Variants in LIG1 observed in about 807,000 individuals in gnomAD.
The protein encoded by LIG1 is ligase I, DNA, ATP-dependent.
LIG1 carries 70 observed loss-of-function variants against 115.7 expected under a neutral mutation model. The ratio of observed to expected loss-of-function variants is 0.60; its 90% CI spans 0.50 to 0.74. The LOEUF (loss-of-function observed/expected upper bound fraction) is 0.74. Among genes scored for constraint, LIG1 ranks in the 30% least tolerant of loss-of-function variants. LIG1 has a pLI of 0.00. For synonymous variants in LIG1, 487 were observed against 495.3 expected (o/e 0.98, Z 0.22); for missense variants, 1,115 against 1,225.6 (o/e 0.91, Z 1.35).
chr19:48,142,655 T>G (rs2034848013), intron 11 of LIG1, among the ~76,000 whole-genome samples: 1 of 151,978 alleles, frequency 6.6e-6, no homozygotes, highest in South Asian at 2.1e-4. Context: ...TTTGTTTGTT[T>G]GTTTTTGAGA....
intron 5 of LIG1, chr19:48,154,188 C>T (rs1315636290): frequency 1.8e-6 from 1 of 565,452 alleles, no homozygotes; most frequent in Non-Finnish European, 3.2e-6. Context: ...GTGCTTTGCT[C>T]TCTCACGACT....
chr19:48,133,953 G>A, intron 17 of LIG1, 28 bp downstream of exon 17: 2 of 1,540,490 alleles, frequency 1.3e-6, no homozygotes, highest in African/African-American at 2.7e-5. Context: ...GCTGCTGCCA[G>A]GCTGGTGAGC....
rs374815637 is a variant in LIG1, at chr19:48,154,747, C to T, written c.371-780G>A. ...CATGTTGGCCATTGCGCCACCTGGT[C>T]CCCGGTCTCCCGGCCCCCAGTGGCT... On this transcript the variant is annotated intron_variant, in intron 5 of 27. Coordinates refer to ENST00000263274, the MANE Select transcript of LIG1 (RefSeq NM_000234.3). Among the ~76,000 whole-genome samples, 25 of 152,334 alleles carry T rather than the reference C, an allele frequency of 1.6e-4. No individual in the cohort carries two copies. The East Asian group carries it at 3.7e-3, about 22-fold the overall frequency.
At chr19:48,138,205 G>C (rs3730961) in intron 12 of LIG1, among the ~76,000 whole-genome samples, 3,724 of 152,202 alleles carry the variant, frequency 0.024, 138 homozygotes, top group African/African-American at 0.085. Context: ...AAGAGCTGGG[G>C]AGATGGAGCC....
chr19:48,156,961 A>G (rs575882219), intron 5 of LIG1, 53 bp downstream of exon 5: 21,027 of 1,336,770 alleles, frequency 0.016, 725 homozygotes, highest in African/African-American at 0.11. Context: ...AAAAAAAAAA[A>G]AGAGAAAAAG....
chr19:48,152,349 C>G (rs1042284940), intron 6 of LIG1, among the ~76,000 whole-genome samples: 2 of 152,184 alleles, frequency 1.3e-5, no homozygotes, highest in African/African-American at 4.8e-5. Context: ...TCTCCAACTC[C>G]CGACCTCAAG....
chr19:48,120,254 C>A lies in LIG1; in HGVS notation c.2385+916G>T, dbSNP rs2033171035. On this transcript the variant is annotated intron_variant, in intron 24 of 27. Transcript: ENST00000263274. ...GCACTATGTGCTATGGGGCACAGCA[C>A]TTGAAAACTCTTGTGCGGGCATTCA... The A allele has an allele frequency of 5.1e-6, 5 of 985,388 alleles. No homozygotes were observed. In the Middle Eastern group the frequency reaches 1.6e-3, roughly 309 times the overall value. The allele number at this position is 985,388 out of a possible 1,614,324, so 61.0% of individuals were successfully genotyped here. A position where few individuals can be genotyped will look rare whatever the true frequency, so the allele number is the denominator to read the frequency against.
rs143277427 is a variant in LIG1 at position 48,118,534 on chromosome 19, CT to C, written c.2439+602del. On this transcript the variant is annotated intron_variant, in intron 25 of 27. Transcript: ENST00000263274. ...AGGAAACCTCTCTTTATAAATGATC[CT>C]TTTTTTTTTTTTTTTTTTTTTGAGA... is the stretch of plus-strand genomic sequence containing the variant. 586 of 97,356 alleles carry C rather than the reference CT, an allele frequency of 6.0e-3. 2 individuals are homozygous for C. The highest frequency in any genetic ancestry group is 0.011 in the African/African-American group (264 of 23,246). The allele number at this position is 97,356 out of a possible 1,614,324, so 6.0% of individuals were successfully genotyped here.
intron 5 of LIG1, 160 bp from the exon 6 acceptor site, chr19:48,154,127 T>C: frequency 1.4e-6 from 1 of 694,706 alleles, no homozygotes; most frequent in Non-Finnish European, 2.6e-6. Flanking sequence ...CACCCTTCAA[T>C]CCCTCCTGCT....
At chr19:48,153,587 G>A (rs1035322602) in intron 6 of LIG1, among the ~76,000 whole-genome samples, 1 of 146,726 alleles carries the variant, frequency 6.8e-6, no homozygotes, top group South Asian at 2.1e-4. Flanking sequence ...CATCAAATCG[G>A]CAGGGTCCAA....
At chr19:48,140,760 CA>C (rs2034688933) in intron 11 of LIG1, among the ~76,000 whole-genome samples, 1 of 152,094 alleles carries the variant, frequency 6.6e-6, no homozygotes, top group African/African-American at 2.4e-5. Flanking sequence ...CAGAAGACAG[CA>C]AGAAAACCTC....
intron 9 of LIG1, among the ~76,000 whole-genome samples, chr19:48,145,212 C>T (rs551242687): frequency 3.3e-5 from 5 of 152,274 alleles, no homozygotes; most frequent in East Asian, 3.9e-4. Flanking sequence ...ACCTTTATAT[C>T]GTAAGTAGCT....
intron 26 of LIG1, among the ~76,000 whole-genome samples, chr19:48,117,408 C>G (rs943977815): frequency 6.6e-6 from 1 of 152,198 alleles, no homozygotes; most frequent in Non-Finnish European, 1.5e-5. Flanking sequence ...GATCTGCCTG[C>G]CTCGGTCTCC....
chr19:48,167,832 AAAAAAAAAAAAAAAAAAACAAAC>A (rs934703607), intron 1 of LIG1, among the ~76,000 whole-genome samples: 2 of 150,294 alleles, frequency 1.3e-5, no homozygotes, highest in Non-Finnish European at 3.0e-5. Flanking sequence ...TCTTAAAAAA[AAAAAAAAAAAAAAAAAAACAAAC>A]AAAAAAGAAA....
chr19:48,127,023 C>T (rs780443472), intron 21 of LIG1: 26 of 520,720 alleles, frequency 5.0e-5, no homozygotes, highest in Non-Finnish European at 8.0e-5. Context: ...ACACTCTTCT[C>T]GTTGCAGGAC....
chr19:48,126,667 T>C (rs528436442), intron 21 of LIG1, among the ~76,000 whole-genome samples: 5 of 151,392 alleles, frequency 3.3e-5, no homozygotes, highest in Admixed American at 2.0e-4. Flanking sequence ...GGTTACATAA[T>C]ATTATAGTTA....
rs533540469 is a variant in LIG1 at position 48,145,638 on chromosome 19, G to A, written c.777-1675C>T. ...GTATGAACTTGGGGTTTAACAAGCGGTGGCCGGCATTACAATGAGGCAGCA... is the reference window on the plus strand; with the variant it reads ...GTATGAACTTGGGGTTTAACAAGCGATGGCCGGCATTACAATGAGGCAGCA... On this transcript the variant is annotated intron_variant, in intron 9 of 27. Coordinates refer to ENST00000263274, the MANE Select transcript of LIG1 (RefSeq NM_000234.3). Among the ~76,000 whole-genome samples the A allele has an allele frequency of 1.6e-4, 24 of 152,298 alleles. No individual in the cohort carries two copies. The South Asian group carries it at 4.3e-3, about 28-fold the overall frequency.
chr19:48,119,658 C>T (rs1486651006), intron 24 of LIG1, among the ~76,000 whole-genome samples: 2 of 151,470 alleles, frequency 1.3e-5, no homozygotes, highest in Non-Finnish European at 2.9e-5. Context: ...CCTGCCTCAG[C>T]CTCCCAAGTA....
At chr19:48,151,173 G>A (rs1442601987) in intron 7 of LIG1, 59 bp downstream of exon 7, 2 of 1,007,492 alleles carry the variant, frequency 2.0e-6, no homozygotes, top group African/African-American at 3.2e-5. Flanking sequence ...ATCCTCCAAA[G>A]ACTTCTGACC....
Sources: allele counts gnomAD v4.1 joint callset (sites outside exome capture counted in the v4.1 genomes callset), GRCh38; gene constraint gnomAD v4.1.1; transcripts MANE v1.5; gene names NCBI Gene and HGNC (gene_info 2026-07-23, HGNC 2026-07-21).